UBAP1: variants seen among roughly 807,000 people sequenced by gnomAD.
UBAP1 encodes the protein ubiquitin associated protein 1, also known as ubiquitin-associated protein 1.
In UBAP1, 5 loss-of-function variants were observed where a neutral mutation model predicts 39.0. The observed-to-expected ratio is 0.13, with a 90% CI of 0.07 to 0.27. The LOEUF (loss-of-function observed/expected upper bound fraction) is 0.27, where lower values mean the gene tolerates loss of function less well. UBAP1 is among the 10% of genes least tolerant of loss of function. UBAP1 has a pLI of 1.00. For missense variants in UBAP1, 490 were observed against 608.1 expected (o/e 0.81, Z 2.04); for synonymous variants, 211 against 225.1 (o/e 0.94, Z 0.56).
intron 1 of UBAP1, among the ~76,000 whole-genome samples, chr9:34,193,790 A>G (rs1287693881): frequency 2.0e-5 from 3 of 152,212 alleles, no homozygotes; most frequent in East Asian, 3.8e-4. Context: ...GTGTTCAGCT[A>G]TCCAGAAGTT....
Position 34,250,008 on chromosome 9 carries a change from G to A in UBAP1, c.1266+47G>A, listed in dbSNP as rs753982169. 11 of 1,597,204 alleles carry A rather than the reference G, an allele frequency of 6.9e-6. No homozygotes were observed. The South Asian group carries it at 7.8e-5, about 11-fold the overall frequency. On this transcript the variant is annotated intron_variant, in intron 5 of 6. Coordinates refer to ENST00000297661, the MANE Select transcript of UBAP1 (RefSeq NM_016525.5). ...AGGGCAGGCTCAGACCTGTGGAGCT[G>A]GAGTAGTGTCCTCCCCTGTCCTAGA...
intron 1 of UBAP1, among the ~76,000 whole-genome samples, chr9:34,180,886 C>T (rs531524894): frequency 1.4e-3 from 210 of 151,014 alleles, no homozygotes; most frequent in Non-Finnish European, 2.2e-3. Flanking sequence ...TCTTGGCTTG[C>T]TGCAACCTCC....
intron 1 of UBAP1, among the ~76,000 whole-genome samples, chr9:34,208,944 C>T (rs965604206): frequency 6.6e-6 from 1 of 151,012 alleles, no homozygotes; most frequent in Non-Finnish European, 1.5e-5. Context: ...TATTTTAGTT[C>T]TATTTTTTGA....
Position 34,234,281 on chromosome 9 carries a change from G to C in UBAP1, c.100G>C (p.Val34Leu). 2 of 1,613,436 alleles carry C rather than the reference G, an allele frequency of 1.2e-6. No homozygotes were observed. Among genetic ancestry groups the C allele is most frequent in the Non-Finnish European group, 1.7e-6 (2 of 1,179,902 alleles). Reference sequence around the variant, plus strand: ...AGACAAATTCAAAACACCAGCTAAAGTTGGTCTACCTATTGGCTTCTCCTT... The same window carrying C: ...AGACAAATTCAAAACACCAGCTAAACTTGGTCTACCTATTGGCTTCTCCTT... ...TGDKFKTPAK[V>L]GLPIGFSLPD... is the part of the protein sequence containing the mutation. The change falls in exon 3 of 7, where the codon GTT becomes CTT. Residue 34 changes from valine (V) to leucine (L), a missense_variant. Val to Leu is a conservative substitution (Grantham distance 32). Coordinates refer to ENST00000297661, the MANE Select transcript of UBAP1 (RefSeq NM_016525.5).
intron 3 of UBAP1, among the ~76,000 whole-genome samples, chr9:34,239,293 C>A (rs1041029354): frequency 7.2e-5 from 11 of 152,212 alleles, no homozygotes; most frequent in African/African-American, 2.7e-4. Flanking sequence ...GATCCGCCCA[C>A]CTTGGCCTCT....
At chr9:34,251,286 A>C in intron 6 of UBAP1, 106 bp from the exon 7 acceptor site, 2 of 1,231,988 alleles carry the variant, frequency 1.6e-6, no homozygotes, top group Non-Finnish European at 2.3e-6. Flanking sequence ...GGAAGGATGT[A>C]GACATTCTGC....
intron 1 of UBAP1, among the ~76,000 whole-genome samples, chr9:34,190,819 T>TTTG (rs71506173): frequency 2.7e-5 from 4 of 146,812 alleles, no homozygotes; most frequent in African/African-American, 1.0e-4. Context: ...TTTTTTTTTT[T>TTTG]GTATTTTTTG....
Position 34,210,721 on chromosome 9 carries a change from A to T in UBAP1, c.-7-10187A>T, listed in dbSNP as rs1002218950. 1.2e-4 allele frequency among the ~76,000 whole-genome samples: 9 copies of T among 75,462 alleles called. No individual in the cohort carries two copies. In the East Asian group the frequency reaches 3.6e-3, roughly 30 times the overall value. The allele number at this position is 75,462 out of a possible 152,430, so 49.5% of individuals were successfully genotyped here. A position where few individuals can be genotyped will look rare whatever the true frequency, so the allele number is the denominator to read the frequency against. ...AGTGACAGAGGGAGACTCCATCTTT[A>T]AAAAAAAAAAAAATTTTTTTTTTTT... On this transcript the variant is annotated intron_variant, in intron 1 of 6. Coordinates refer to ENST00000297661, the MANE Select transcript of UBAP1 (RefSeq NM_016525.5).
At chr9:34,241,084 G>C in intron 3 of UBAP1, 101 bp from the exon 4 acceptor site, 1 of 818,024 alleles carries the variant, frequency 1.2e-6, no homozygotes, top group Non-Finnish European at 1.8e-6. Context: ...TGCCTTGTCC[G>C]GTTATCCTCT....
At chr9:34,203,475 A>G (rs1347690502) in intron 1 of UBAP1, among the ~76,000 whole-genome samples, 3 of 152,192 alleles carry the variant, frequency 2.0e-5, no homozygotes, top group African/African-American at 7.2e-5. Context: ...GTGGCCGGGC[A>G]CTATGCTTGG....
chr9:34,192,967 T>C (rs1169770198), intron 1 of UBAP1, among the ~76,000 whole-genome samples: 4 of 152,190 alleles, frequency 2.6e-5, no homozygotes, highest in Non-Finnish European at 5.9e-5. Context: ...TTATAGCTGA[T>C]AAGTACAATC....
chr9:34,202,624 CGTGTGTGTGTGT>C lies in UBAP1; in HGVS notation c.-7-18241_-7-18230del, dbSNP rs56012034. Among the ~76,000 whole-genome samples the C allele has an allele frequency of 4.2e-3, 452 of 107,352 alleles. 6 individuals are homozygous for C. The highest frequency in any genetic ancestry group is 0.011 in the South Asian group (35 of 3,222). 70.4% of individuals were successfully genotyped at this position (107,352 alleles called of 152,430 possible). Reference sequence around the variant, plus strand: ...ATGGGCCAGAAGCTGTAGACAGAAACGTGTGTGTGTGTGTGTGTGTGTGTGTGTGTGTGTGTG... The same window carrying C: ...ATGGGCCAGAAGCTGTAGACAGAAACGTGTGTGTGTGTGTGTGTGTGTGTG... On this transcript the variant is annotated intron_variant, in intron 1 of 6. Transcript: ENST00000297661.
At chr9:34,212,845 T>G (rs949971404) in intron 1 of UBAP1, among the ~76,000 whole-genome samples, 1 of 152,144 alleles carries the variant, frequency 6.6e-6, no homozygotes, top group Non-Finnish European at 1.5e-5. Flanking sequence ...CATGCCTAAT[T>G]CATTGTATAA....
At chr9:34,189,836 G>A (rs561090086) in intron 1 of UBAP1, among the ~76,000 whole-genome samples, 121 of 151,216 alleles carry the variant, frequency 8.0e-4, no homozygotes, top group African/African-American at 2.7e-3. Flanking sequence ...GTGTTTCTCC[G>A]TGTTGGTCTG....
At chr9:34,180,603 A>T (rs1829963316) in intron 1 of UBAP1, among the ~76,000 whole-genome samples, 2 of 152,038 alleles carry the variant, frequency 1.3e-5, no homozygotes, top group Non-Finnish European at 2.9e-5. Flanking sequence ...ACTATAAGTG[A>T]AATTTTATTA....
At chr9:34,226,121 G>GTGTGTGTGTGTT (rs1833057603) in intron 2 of UBAP1, among the ~76,000 whole-genome samples, 1 of 98,324 alleles carries the variant, frequency 1.0e-5, no homozygotes, top group African/African-American at 3.0e-5. Context: ...GTGTGTGTGT[G>GTGTGTGTGTGTT]TGTGTGTGTG....
At chr9:34,244,139 A>G (rs1834107363) in intron 4 of UBAP1, among the ~76,000 whole-genome samples, 2 of 152,038 alleles carry the variant, frequency 1.3e-5, no homozygotes, top group South Asian at 4.1e-4. Flanking sequence ...GAGTCACCGC[A>G]CACAGCCATT....
chr9:34,226,230 G>GTTT (rs750656542), intron 2 of UBAP1, among the ~76,000 whole-genome samples: 9 of 111,930 alleles, frequency 8.0e-5, no homozygotes, highest in South Asian at 2.7e-4. Context: ...CCCGTTTCTT[G>GTTT]TTTTTTTTTT....
intron 4 of UBAP1, among the ~76,000 whole-genome samples, chr9:34,243,401 GGAAGAGGCCTGCTT>G (rs1834058462): frequency 6.6e-6 from 1 of 152,146 alleles, no homozygotes; most frequent in Non-Finnish European, 1.5e-5. Context: ...TCTCAGGATG[GGAAGAGGCCTGCTT>G]CTTGTTGGCT....
Sources: gnomAD v4.1 joint callset for allele counts (sites outside exome capture counted in the v4.1 genomes callset) on GRCh38, gnomAD v4.1.1 for gene constraint, MANE v1.5 for transcripts, NCBI Gene and HGNC (gene_info 2026-07-23, HGNC 2026-07-21) for gene names.